The following NAV2 variants were observed in gnomAD, a reference collection of about 807,000 sequenced individuals.
NAV2 encodes neuron navigator 2, also known as helicase, APC down-regulated 1.
NAV2 carries 54 observed loss-of-function variants against 223.2 expected under a neutral mutation model. That is an observed-to-expected ratio of 0.24 (90% CI 0.19 to 0.30). The LOEUF (loss-of-function observed/expected upper bound fraction) is 0.30. NAV2 is among the 10% of genes least tolerant of loss of function. The pLI, the probability that NAV2 is intolerant of heterozygous loss-of-function variation, is 1.00. For synonymous variants in NAV2, 1,279 were observed against 1,239.3 expected, an observed-to-expected ratio of 1.03 and a Z score of -0.67; for missense variants, 2,806 against 3,147.5, an observed-to-expected ratio of 0.89 and a Z score of 2.60.
intron 1 of NAV2, among the ~76,000 whole-genome samples, chr11:19,458,485 T>C (rs1852038392): frequency 6.6e-6 from 1 of 152,238 alleles, no homozygotes; most frequent in African/African-American, 2.4e-5. Context: ...ATTCCATGGC[T>C]CTCTGTCTCC....
intron 1 of NAV2, among the ~76,000 whole-genome samples, chr11:19,395,110 G>A (rs1849396832): frequency 6.6e-6 from 1 of 152,206 alleles, no homozygotes; most frequent in Non-Finnish European, 1.5e-5. Flanking sequence ...TGTGCTTTGG[G>A]ACCAATGAGG....
intron 29 of NAV2, among the ~76,000 whole-genome samples, chr11:20,093,640 A>T (rs537120688): frequency 3.1e-4 from 47 of 152,292 alleles, no homozygotes; most frequent in African/African-American, 1.1e-3. Context: ...CTTGGTAGAC[A>T]TCAAGGGATG....
chr11:19,650,628 T>C (rs1032704718), intron 1 of NAV2, among the ~76,000 whole-genome samples: 1 of 152,154 alleles, frequency 6.6e-6, no homozygotes, highest in Admixed American at 6.5e-5. Flanking sequence ...TTATGTAGGA[T>C]CATAGCAGCT....
intron 3 of NAV2, among the ~76,000 whole-genome samples, chr11:19,853,971 G>T (rs1050603960): frequency 2.6e-5 from 4 of 152,200 alleles, no homozygotes; most frequent in African/African-American, 9.6e-5. Context: ...GTTGTGAGTG[G>T]CAACATGTTG....
At chr11:19,977,883 C>A (rs1224474834) in intron 10 of NAV2, among the ~76,000 whole-genome samples, 2 of 149,824 alleles carry the variant, frequency 1.3e-5, no homozygotes, top group Admixed American at 6.7e-5. Context: ...CGGCTCACTG[C>A]AACCTCTGCC....
At chr11:19,714,718 G>C (rs1416635636) in intron 1 of NAV2, among the ~76,000 whole-genome samples, 2 of 152,188 alleles carry the variant, frequency 1.3e-5, no homozygotes, top group African/African-American at 4.8e-5. Flanking sequence ...GTGGGGATGG[G>C]AGATGGCTTG....
chr11:19,760,823 A>G (rs1221922917), intron 1 of NAV2, among the ~76,000 whole-genome samples: 1 of 152,150 alleles, frequency 6.6e-6, no homozygotes, highest in South Asian at 2.1e-4. Flanking sequence ...GGGAGAAAAA[A>G]TAGTAACGAA....
At chr11:19,796,439 C>T (rs1310162673) in intron 1 of NAV2, among the ~76,000 whole-genome samples, 1 of 152,194 alleles carries the variant, frequency 6.6e-6, no homozygotes, top group East Asian at 1.9e-4. Context: ...ATTGTGAACC[C>T]TTTCTTGGTG....
At chr11:20,095,518 C>T (rs532593066) in intron 29 of NAV2, among the ~76,000 whole-genome samples, 154 bp from the exon 30 acceptor site, 1 of 152,334 alleles carries the variant, frequency 6.6e-6, no homozygotes, top group Admixed American at 6.5e-5. Context: ...AAGACTATTA[C>T]TTCCACCTAA....
intron 10 of NAV2, among the ~76,000 whole-genome samples, chr11:19,966,379 A>G (rs2048772282): frequency 6.6e-6 from 1 of 152,156 alleles, no homozygotes; most frequent in African/African-American, 2.4e-5. Context: ...TTTCTTGTAC[A>G]TTATGTATCC....
chr11:19,758,044 A>G (rs2054383474), intron 1 of NAV2, among the ~76,000 whole-genome samples: 1 of 152,202 alleles, frequency 6.6e-6, no homozygotes, highest in Non-Finnish European at 1.5e-5. Context: ...TCACAGCAGC[A>G]TCATAATATT....
At chr11:19,555,449 G>GT (rs1565046019) in intron 1 of NAV2, among the ~76,000 whole-genome samples, 1 of 152,084 alleles carries the variant, frequency 6.6e-6, no homozygotes, top group African/African-American at 2.4e-5. Context: ...CCAGACCTGG[G>GT]GGGGGCTCTG....
intron 28 of NAV2, 126 bp from the exon 29 acceptor site, chr11:20,092,973 A>ACCCCCCCCCCCCCCCCCCCC (rs550356437): frequency 2.6e-5 from 2 of 78,068 alleles, no homozygotes; most frequent in Non-Finnish European, 5.6e-5. Flanking sequence ...CTCTTCCCCT[A>ACCCCCCCCCCCCCCCCCCCC]CCCCCCCACC....
chr11:19,466,722 G>A (rs1347445741), intron 1 of NAV2, among the ~76,000 whole-genome samples: 1 of 152,178 alleles, frequency 6.6e-6, no homozygotes, highest in Non-Finnish European at 1.5e-5. Flanking sequence ...ATGGACACAT[G>A]CAAGGAGCGG....
intron 1 of NAV2, among the ~76,000 whole-genome samples, chr11:19,828,026 C>T (rs1381906395): frequency 6.6e-6 from 1 of 152,050 alleles, no homozygotes; most frequent in Non-Finnish European, 1.5e-5. Flanking sequence ...CATCTGTAGT[C>T]CCAGCTACTC....
At chr11:20,031,442 A>AG (rs2055722415) in intron 11 of NAV2, among the ~76,000 whole-genome samples, 1 of 152,182 alleles carries the variant, frequency 6.6e-6, no homozygotes, top group Non-Finnish European at 1.5e-5. Flanking sequence ...CTGACTCTCA[A>AG]CCACATATCT....
chr11:19,401,039 A>G (rs1849663101), intron 1 of NAV2, among the ~76,000 whole-genome samples: 1 of 152,194 alleles, frequency 6.6e-6, no homozygotes, highest in Non-Finnish European at 1.5e-5. Context: ...AATAACTCCT[A>G]CCACAGAGCA....
intron 1 of NAV2, among the ~76,000 whole-genome samples, chr11:19,797,082 G>A (rs2057954636): frequency 6.6e-6 from 1 of 152,186 alleles, no homozygotes; most frequent in Admixed American, 6.5e-5. Flanking sequence ...ACGGGTTTGA[G>A]AGCCAGAGAG....
At chr11:19,492,515 C>T (rs996014454) in intron 1 of NAV2, among the ~76,000 whole-genome samples, 36 of 152,126 alleles carry the variant, frequency 2.4e-4, no homozygotes, top group African/African-American at 8.7e-4. Context: ...CCATCTTGTA[C>T]TATGAGGATA....
Sources: gnomAD v4.1 joint callset for allele counts (sites outside exome capture counted in the v4.1 genomes callset) on GRCh38, gnomAD v4.1.1 for gene constraint, MANE v1.5 for transcripts, NCBI Gene and HGNC (gene_info 2026-07-23, HGNC 2026-07-21) for gene names.